The following A4GALT variants were observed in gnomAD, a reference collection of about 807,000 sequenced individuals.
A4GALT encodes alpha 1,4-galactosyltransferase (P1PK blood group), also known as lactosylceramide 4-alpha-galactosyltransferase.
For synonymous variants in A4GALT, 257 were observed against 220.7 expected (o/e 1.16, Z -1.46); for missense variants, 512 against 486.0 (o/e 1.05, Z -0.50).
At chr22:42,715,275 T>C (rs1372799037) in intron 1 of A4GALT, among the ~76,000 whole-genome samples, 1 of 152,088 alleles carries the variant, frequency 6.6e-6, no homozygotes, top group East Asian at 1.9e-4. Flanking sequence ...ATTTCCTATC[T>C]TGACCACCAG....
In A4GALT at chr22:42,692,808, C is replaced by A. The variant is rs756817841; in HGVS notation, c.*82G>T. 1 of 1,542,008 alleles carries A rather than the reference C, an allele frequency of 6.5e-7. No homozygotes were observed. The highest frequency in any genetic ancestry group is 1.1e-5 in the South Asian group (1 of 88,382). On this transcript the variant is annotated 3_prime_UTR_variant, in exon 3 of 3. Transcript: ENST00000642412. The surrounding 1 kb of genome is among the most constrained non-coding windows in gnomAD (Gnocchi z 4.6). ...GGTGGCAGCTCGGGCCTCCCTCTCC[C>A]GGGCCCTCAATCTTGCCTCCCCGGG...
At chr22:42,705,845 ATACAAAAAT>A (rs1182604588) in intron 1 of A4GALT, among the ~76,000 whole-genome samples, 10 of 122,306 alleles carry the variant, frequency 8.2e-5, no homozygotes, top group African/African-American at 2.6e-4. Flanking sequence ...TCCATTAAAA[ATACAAAAAT>A]TACAGCCCGA....
At chr22:42,700,019 C>T (rs1040717145) in intron 1 of A4GALT, among the ~76,000 whole-genome samples, 1 of 152,118 alleles carries the variant, frequency 6.6e-6, no homozygotes, top group Non-Finnish European at 1.5e-5. Flanking sequence ...TTTGGAGAAC[C>T]CCGACTAACC....
At chr22:42,709,048 A>AAT (rs149743579) in intron 1 of A4GALT, among the ~76,000 whole-genome samples, 3,043 of 131,180 alleles carry the variant, frequency 0.023, 111 homozygotes, top group African/African-American at 0.075. Context: ...GGAAAATTTA[A>AAT]ATATATATAT....
intron 1 of A4GALT, among the ~76,000 whole-genome samples, chr22:42,696,249 T>C (rs1246850346): frequency 3.3e-5 from 5 of 149,830 alleles, no homozygotes; most frequent in South Asian, 2.1e-4. Flanking sequence ...GGAGAAACCC[T>C]GTCTCTACTA....
intron 1 of A4GALT, among the ~76,000 whole-genome samples, chr22:42,711,833 G>A (rs1696981332): frequency 6.6e-6 from 1 of 151,938 alleles, no homozygotes; most frequent in Admixed American, 6.6e-5. Context: ...ATGTTGGCCG[G>A]GCTGGTCTCG....
At chr22:42,694,368 T>C (rs1367148170) in intron 2 of A4GALT, among the ~76,000 whole-genome samples, 1 of 152,220 alleles carries the variant, frequency 6.6e-6, no homozygotes, top group African/African-American at 2.4e-5. Context: ...TCTGTGAGGA[T>C]TGGCAGCCTG....
chr22:42,714,177 A>T (rs1921947590), intron 1 of A4GALT, among the ~76,000 whole-genome samples: 1 of 141,994 alleles, frequency 7.0e-6, no homozygotes, highest in Non-Finnish European at 1.5e-5. Flanking sequence ...CAGGAAACTG[A>T]GGTGGGAGGA....
chr22:42,697,104 G>A (rs1408429802), intron 1 of A4GALT, among the ~76,000 whole-genome samples: 1 of 152,176 alleles, frequency 6.6e-6, no homozygotes, highest in Non-Finnish European at 1.5e-5. Flanking sequence ...GTTCAGCTCT[G>A]AAATGGTAGA....
In A4GALT at chr22:42,693,769, G is replaced by A. The variant is rs758840855; in HGVS notation, c.183C>T (p.Cys61=). The change falls in exon 3 of 3, where the codon TGC becomes TGT. Residue 61 remains cysteine (C), a synonymous_variant. Transcript: ENST00000642412. ...QLYNLPAEIP[C]PTLTPPTPPS... ...GTGGGGTGGGGGGTGTCAAGGTGGG[G>A]CAGGGGATCTCTGCTGGCAGGTTAT... 6.2e-7 allele frequency: 1 copy of A among 1,603,102 alleles called. No homozygotes were observed. The highest frequency in any genetic ancestry group is 1.1e-5 in the South Asian group (1 of 89,956).
chr22:42,710,064 A>G (rs1414111862), intron 1 of A4GALT, among the ~76,000 whole-genome samples: 1 of 152,196 alleles, frequency 6.6e-6, no homozygotes, highest in Non-Finnish European at 1.5e-5. Context: ...TCCAGAGAGT[A>G]CGAATACACA....
At chr22:42,700,814 G>A (rs148853929) in intron 1 of A4GALT, among the ~76,000 whole-genome samples, 63 of 152,366 alleles carry the variant, frequency 4.1e-4, no homozygotes, top group Non-Finnish European at 7.3e-4. Context: ...AACAGATGTG[G>A]CCACGGCCAT....
At position 42,693,393 on chromosome 22, in the gene A4GALT, C is replaced by T. The variant is rs749195557; in HGVS notation, c.559G>A (p.Gly187Ser). ...ASRIALMWKF[G>S]GIYLDTDFIV... ...AAGTCCGTGTCCAGGTAGATGCCGC[C>T]GAACTTCCACATGAGTGCGATCCTG... The change falls in exon 3 of 3, where the codon GGC becomes AGC. Residue 187 changes from glycine to serine, a missense_variant. By Grantham distance (56) the Gly-to-Ser change is moderately conservative (BLOSUM62 0). Coordinates refer to ENST00000642412, the MANE Select transcript of A4GALT (RefSeq NM_017436.7). 2.5e-6 allele frequency: 4 copies of T among 1,613,326 alleles called. No individual in the cohort carries two copies. The highest frequency in any genetic ancestry group is 3.4e-6 in the Non-Finnish European group (4 of 1,179,988).
chr22:42,706,354 C>CAAAAAAAAA lies in A4GALT; in HGVS notation c.-187-10732_-187-10724dup, dbSNP rs1164664187. Among the ~76,000 whole-genome samples, 5 of 83,810 alleles carry CAAAAAAAAA rather than the reference C, an allele frequency of 6.0e-5. 1 individual carries two copies. Among genetic ancestry groups the CAAAAAAAAA allele is most frequent in the Non-Finnish European group, 8.8e-5 (4 of 45,570 alleles). 55.0% of individuals were successfully genotyped at this position (83,810 alleles called of 152,430 possible). A position where few individuals can be genotyped will look rare whatever the true frequency, so the allele number is the denominator to read the frequency against. On this transcript the variant is annotated intron_variant, in intron 1 of 2. Transcript: ENST00000642412. Reference sequence around the variant, plus strand: ...TGGGTGACAGAGCGAGACTCCATCCCAAAAAAAAAAAAAAAAAAAAAAAGT... The same window carrying CAAAAAAAAA: ...TGGGTGACAGAGCGAGACTCCATCCCAAAAAAAAAAAAAAAAAAAAAAAAAAAAAAAAGT...
At chr22:42,699,515 C>T (rs1045569001) in intron 1 of A4GALT, among the ~76,000 whole-genome samples, 1 of 152,222 alleles carries the variant, frequency 6.6e-6, no homozygotes, top group African/African-American at 2.4e-5. Context: ...TCCTTCAATG[C>T]CCTTGGTCAT....
chr22:42,693,260 G>T lies in A4GALT; in HGVS notation c.692C>A (p.Ala231Glu). The change falls in exon 3 of 3, where the codon GCG becomes GAG. Residue 231 changes from alanine (A) to glutamate (E), a missense_variant. Coordinates refer to ENST00000642412, the MANE Select transcript of A4GALT (RefSeq NM_017436.7). The part of the protein sequence containing the change: ...LAFERRHEFM[A>E]LCMRDFVDHY... ...GTCCACGAAGTCCCGCATGCACAGC[G>T]CCATGAACTCGTGCCGGCGCTCGAA... 1 of 1,612,614 alleles carries T rather than the reference G, an allele frequency of 6.2e-7. No homozygotes were observed.
At chr22:42,702,184 C>T (rs1169104345) in intron 1 of A4GALT, among the ~76,000 whole-genome samples, 1 of 152,098 alleles carries the variant, frequency 6.6e-6, no homozygotes, top group Non-Finnish European at 1.5e-5. Context: ...GTCCCTGACC[C>T]CACAACATCA....
At chr22:42,710,697 G>A (rs1215916331) in intron 1 of A4GALT, among the ~76,000 whole-genome samples, 1 of 144,296 alleles carries the variant, frequency 6.9e-6, no homozygotes, top group Non-Finnish European at 1.5e-5. Flanking sequence ...ACTCCAGCTC[G>A]AAATAAATAA....
rs1265486051 is a variant in A4GALT, at chr22:42,705,946, C to G, written c.-187-10315G>C. 7.7e-5 allele frequency among the ~76,000 whole-genome samples: 9 copies of G among 116,420 alleles called. 3 individuals carry two copies. Among genetic ancestry groups the G allele is most frequent in the Non-Finnish European group, 1.6e-4 (8 of 50,638 alleles). The allele number at this position is 116,420 out of a possible 152,430, so 76.4% of individuals were successfully genotyped here. On this transcript the variant is annotated intron_variant, in intron 1 of 2. Transcript: ENST00000642412. Reference sequence around the variant, plus strand: ...ATGTGTGCCTGTCATCCCAGCTACTCGGGAGGCTGAGGCAGGAGAATCGCT... The same window carrying G: ...ATGTGTGCCTGTCATCCCAGCTACTGGGGAGGCTGAGGCAGGAGAATCGCT...
Sources: gnomAD v4.1 joint callset for allele counts (sites outside exome capture counted in the v4.1 genomes callset) on GRCh38, gnomAD v4.1.1 for gene constraint, Gnocchi (gnomAD v3.1) non-coding constraint, MANE v1.5 for transcripts, NCBI Gene and HGNC (gene_info 2026-07-23, HGNC 2026-07-21) for gene names.